Variants in SEMA3A observed in about 807,000 individuals in gnomAD.
SEMA3A encodes the protein semaphorin 3A.
A neutral mutation model predicts 97.9 loss-of-function variants in SEMA3A; 29 were observed. The ratio of observed to expected loss-of-function variants is 0.30; its 90% confidence interval spans 0.22 to 0.40. The LOEUF (loss-of-function observed/expected upper bound fraction) is 0.40. Among genes scored for constraint, SEMA3A ranks in the 10% least tolerant of loss-of-function variants. The pLI is 1.00. For missense variants in SEMA3A, 763 were observed against 951.3 expected (o/e 0.80, Z 2.60); for synonymous variants, 321 against 323.7 (o/e 0.99, Z 0.09).
chr7:84,448,448 A>G (rs1270376202), intron 1 of SEMA3A, among the ~76,000 whole-genome samples: 2 of 152,208 alleles, frequency 1.3e-5, no homozygotes, highest in Non-Finnish European at 2.9e-5. Context: ...TCATTAAAGT[A>G]GCAGGATACA....
At chr7:84,021,853 G>A (rs570346266) in intron 6 of SEMA3A, among the ~76,000 whole-genome samples, 2 of 152,138 alleles carry the variant, frequency 1.3e-5, no homozygotes, top group East Asian at 1.9e-4. Context: ...TGGATGAGTC[G>A]AGCTTATCAT....
chr7:84,204,950 C>A (rs370461000), intron 3 of SEMA3A, among the ~76,000 whole-genome samples: 1 of 152,154 alleles, frequency 6.6e-6, no homozygotes, highest in African/African-American at 2.4e-5. Flanking sequence ...TCTTTTGTGG[C>A]TTGCACAGAA....
intron 1 of SEMA3A, among the ~76,000 whole-genome samples, chr7:84,155,342 G>A (rs535179183): frequency 6.6e-6 from 1 of 152,138 alleles, no homozygotes; most frequent in African/African-American, 2.4e-5. Context: ...CCAACTCTCT[G>A]GGAGAGTTGT....
chr7:84,366,462 T>C (rs1802850472), intron 2 of SEMA3A, among the ~76,000 whole-genome samples: 1 of 151,102 alleles, frequency 6.6e-6, no homozygotes. Context: ...CAGTATTCAT[T>C]TACTAAAACA....
rs1272039245 is a variant in SEMA3A at position 84,051,016 on chromosome 7, T to C, written c.548-4573A>G. ...CTCAGGTTTGTCAAAGATCAGATAG[T>C]TGTAGATATGTGGCATTATTTCGGA... On this transcript the variant is annotated intron_variant, in intron 5 of 16. Coordinates refer to ENST00000265362, the MANE Select transcript of SEMA3A (RefSeq NM_006080.3). Among the ~76,000 whole-genome samples, 9 of 152,046 alleles carry C rather than the reference T, an allele frequency of 5.9e-5. No homozygotes were observed. The East Asian group carries it at 1.4e-3, about 23-fold the overall frequency.
rs555745602 is a variant in SEMA3A at position 84,470,705 on chromosome 7, C to T, written c.-246+21755G>A. 1.7e-3 allele frequency among the ~76,000 whole-genome samples: 261 copies of T among 149,342 alleles called. 2 individuals are homozygous for T. The highest frequency in any genetic ancestry group is 6.0e-3 in the African/African-American group (245 of 40,790). ...AATCCCAGAACTCTTCTCCAATTAT[C>T]TTTTTTTTTTAACACTTCTCTTTTA... On this transcript the variant is annotated intron_variant, in intron 1 of 3. Transcript: ENST00000424555.
At position 84,046,468 on chromosome 7, in the gene SEMA3A, A is replaced by G. The variant is rs1434643520; in HGVS notation, c.548-25T>C. On this transcript the variant is annotated intron_variant, in intron 5 of 16. Coordinates refer to ENST00000265362, the MANE Select transcript of SEMA3A (RefSeq NM_006080.3). ...TCTGTGTTGTGACAAAACCACATAC[A>G]CATTCTTTAATTCAATTAAGGCAAA... 2.5e-6 allele frequency: 4 copies of G among 1,611,350 alleles called. No individual in the cohort carries two copies. The East Asian group carries it at 8.9e-5, about 36-fold the overall frequency.
chr7:84,245,399 T>C (rs142046524), intron 3 of SEMA3A, among the ~76,000 whole-genome samples: 2 of 152,170 alleles, frequency 1.3e-5, no homozygotes, highest in East Asian at 2.0e-4. Flanking sequence ...GATACTTGTG[T>C]ATGCTTCATG....
chr7:84,321,328 A>G (rs1801637191), intron 2 of SEMA3A, among the ~76,000 whole-genome samples: 1 of 152,226 alleles, frequency 6.6e-6, no homozygotes, highest in African/African-American at 2.4e-5. Flanking sequence ...TTGTGAAACA[A>G]AATGAACTAT....
At chr7:84,259,446 T>C (rs551031248) in intron 3 of SEMA3A, among the ~76,000 whole-genome samples, 11 of 152,192 alleles carry the variant, frequency 7.2e-5, no homozygotes, top group Admixed American at 5.2e-4. Context: ...GTGGAAGTTA[T>C]GTAAGATACA....
chr7:84,369,348 T>C (rs992276308), intron 2 of SEMA3A, among the ~76,000 whole-genome samples: 1 of 151,162 alleles, frequency 6.6e-6, no homozygotes, highest in African/African-American at 2.4e-5. Flanking sequence ...AATGAGCTGT[T>C]GAAAGTGACT....
At chr7:84,391,629 C>T (rs527553213) in intron 1 of SEMA3A, among the ~76,000 whole-genome samples, 16 of 152,088 alleles carry the variant, frequency 1.1e-4, no homozygotes, top group African/African-American at 3.4e-4. Flanking sequence ...CTCTTAATAG[C>T]ATTTATTGTG....
chr7:84,351,176 T>C (rs1190125120), intron 2 of SEMA3A, among the ~76,000 whole-genome samples: 1 of 151,928 alleles, frequency 6.6e-6, no homozygotes, highest in East Asian at 1.9e-4. Context: ...TTCATCGTGC[T>C]TATATAAAGT....
At chr7:84,025,873 C>G (rs190105225) in intron 6 of SEMA3A, among the ~76,000 whole-genome samples, 1 of 152,166 alleles carries the variant, frequency 6.6e-6, no homozygotes, top group Non-Finnish European at 1.5e-5. Flanking sequence ...TAACAAGAGC[C>G]GAGTTCCTTC....
chr7:84,247,089 G>A (rs11971807), intron 3 of SEMA3A, among the ~76,000 whole-genome samples: 107,375 of 151,886 alleles, frequency 0.71, 38,171 homozygotes, highest in East Asian at 0.79. Context: ...TCAGTATATA[G>A]AAATTTGTGG....
At chr7:84,358,517 C>T (rs1802629670) in intron 2 of SEMA3A, among the ~76,000 whole-genome samples, 1 of 152,102 alleles carries the variant, frequency 6.6e-6, no homozygotes, top group South Asian at 2.1e-4. Context: ...GGTACCAGTA[C>T]CATGCTGTTT....
chr7:84,120,347 T>C (rs1465753610), intron 3 of SEMA3A, among the ~76,000 whole-genome samples: 1 of 152,212 alleles, frequency 6.6e-6, no homozygotes, highest in Non-Finnish European at 1.5e-5. Context: ...TTTGCTTGTT[T>C]AATTACTTGA....
chr7:84,431,656 A>G (rs867975695), intron 1 of SEMA3A, among the ~76,000 whole-genome samples: 3 of 152,008 alleles, frequency 2.0e-5, no homozygotes, highest in Non-Finnish European at 2.9e-5. Context: ...ATAATTGATA[A>G]CATTTAAAAA....
chr7:84,421,610 C>T (rs370340454), intron 1 of SEMA3A, among the ~76,000 whole-genome samples: 4 of 151,994 alleles, frequency 2.6e-5, no homozygotes, highest in African/African-American at 7.2e-5. Flanking sequence ...TCAAAGGGAA[C>T]GCTTCCAGCA....
Sources: allele counts gnomAD v4.1 joint callset (sites outside exome capture counted in the v4.1 genomes callset), GRCh38; gene constraint gnomAD v4.1.1; transcripts MANE v1.5; gene names NCBI Gene and HGNC (gene_info 2026-07-23, HGNC 2026-07-21).